Variants in SYT1 observed in about 807,000 individuals in gnomAD.
SYT1 encodes the protein synaptotagmin 1.
Under a neutral mutation model 44.8 loss-of-function variants are expected in SYT1, and 8 were observed. That is an observed-to-expected ratio of 0.18 (90% confidence interval 0.10 to 0.32). The LOEUF (loss-of-function observed/expected upper bound fraction) is 0.32. SYT1 is among the 10% of genes least tolerant of loss of function. The pLI is 1.00. For missense variants in SYT1, 286 were observed against 509.3 expected (o/e 0.56, Z 4.22); for synonymous variants, 154 against 188.8 (o/e 0.82, Z 1.51).
chr12:78,904,905 A>G (rs1875876354), intron 1 of SYT1, among the ~76,000 whole-genome samples: 1 of 152,208 alleles, frequency 6.6e-6, no homozygotes, highest in African/African-American at 2.4e-5. Context: ...AATAGAATCA[A>G]CTTTCACTTA....
intron 9 of SYT1, among the ~76,000 whole-genome samples, chr12:79,437,442 G>A (rs1386554203): frequency 1.3e-5 from 2 of 152,122 alleles, no homozygotes; most frequent in East Asian, 1.9e-4. Context: ...AGGTCTACGA[G>A]GTTGGAATCA....
chr12:78,870,014 A>G (rs776193628), intron 1 of SYT1, among the ~76,000 whole-genome samples: 12 of 152,140 alleles, frequency 7.9e-5, no homozygotes, highest in Non-Finnish European at 1.6e-4. Flanking sequence ...AGATGAAGAT[A>G]TAAAACACGC....
intron 4 of SYT1, among the ~76,000 whole-genome samples, chr12:79,257,966 T>G (rs1274875920): frequency 2.0e-5 from 3 of 152,164 alleles, no homozygotes; most frequent in Admixed American, 2.0e-4. Flanking sequence ...TCACAACATC[T>G]GAATTCTCCC....
intron 3 of SYT1, among the ~76,000 whole-genome samples, chr12:79,134,822 C>A (rs1869077173): frequency 6.6e-6 from 1 of 151,818 alleles, no homozygotes; most frequent in South Asian, 2.1e-4. Flanking sequence ...CCAGGGGCCA[C>A]CTGGAGATGG....
At chr12:79,158,717 G>A (rs1011977557) in intron 3 of SYT1, among the ~76,000 whole-genome samples, 1 of 152,030 alleles carries the variant, frequency 6.6e-6, no homozygotes, top group Non-Finnish European at 1.5e-5. Flanking sequence ...GGGCAACATG[G>A]TGAAAACCCA....
intron 1 of SYT1, among the ~76,000 whole-genome samples, chr12:78,884,999 G>A (rs1221403735): frequency 6.6e-6 from 1 of 151,570 alleles, no homozygotes; most frequent in Non-Finnish European, 1.5e-5. Flanking sequence ...TGCTTATTTT[G>A]GAAATAAGAA....
At chr12:79,105,133 G>A (rs1878643177) in intron 3 of SYT1, among the ~76,000 whole-genome samples, 1 of 152,152 alleles carries the variant, frequency 6.6e-6, no homozygotes, top group African/African-American at 2.4e-5. Flanking sequence ...GTGGCTATTG[G>A]GATCAAATGG....
At chr12:79,364,375 G>A (rs1883452649) in intron 9 of SYT1, among the ~76,000 whole-genome samples, 2 of 152,132 alleles carry the variant, frequency 1.3e-5, no homozygotes, top group African/African-American at 2.4e-5. Context: ...TAAAGACAGA[G>A]AATGATCCCT....
chr12:79,179,095 GATATAGAT>G (rs1872158278), intron 3 of SYT1, among the ~76,000 whole-genome samples: 1 of 119,170 alleles, frequency 8.4e-6, no homozygotes, highest in African/African-American at 3.5e-5. Context: ...TAGATATATA[GATATAGAT>G]ATATAGATAT....
intron 1 of SYT1, among the ~76,000 whole-genome samples, chr12:78,945,090 G>A (rs1380340387): frequency 6.6e-6 from 1 of 152,058 alleles, no homozygotes; most frequent in African/African-American, 2.4e-5. Flanking sequence ...CTTCCTTGTC[G>A]ATTTCTTAGT....
At chr12:79,244,668 C>A (rs1434521301) in intron 4 of SYT1, among the ~76,000 whole-genome samples, 2 of 150,406 alleles carry the variant, frequency 1.3e-5, no homozygotes, top group African/African-American at 4.9e-5. Context: ...CACGCCACTG[C>A]ACTCCAGCCT....
intron 2 of SYT1, among the ~76,000 whole-genome samples, chr12:79,045,174 G>T (rs1420662273): frequency 6.6e-6 from 1 of 152,226 alleles, no homozygotes; most frequent in African/African-American, 2.4e-5. Context: ...CGGCTGCTTT[G>T]TTTACCTAAG....
chr12:79,444,218 C>T lies in SYT1; in HGVS notation c.1062+12C>T. ...TTGAACAAATCCAGGTAATGTCAAA[C>T]ATAACTTTGTCTTCCCACTCAATTT... is the stretch of plus-strand genomic sequence containing the variant. On this transcript the variant is annotated intron_variant, in intron 10 of 10. Transcript: ENST00000261205. 1 of 1,611,868 alleles carries T rather than the reference C, an allele frequency of 6.2e-7. No homozygotes were observed. Among genetic ancestry groups the T allele is most frequent in the Middle Eastern group, 1.7e-4 (1 of 6,050 alleles).
At chr12:79,166,987 A>C (rs887294813) in intron 3 of SYT1, among the ~76,000 whole-genome samples, 11 of 152,096 alleles carry the variant, frequency 7.2e-5, no homozygotes, top group Non-Finnish European at 1.5e-5. Flanking sequence ...CTATAATGAA[A>C]GTGCTTTATA....
chr12:79,033,178 C>T (rs1872928859), intron 2 of SYT1, among the ~76,000 whole-genome samples: 2 of 151,340 alleles, frequency 1.3e-5, no homozygotes, highest in South Asian at 4.1e-4. Context: ...TATTGCTTCA[C>T]TTGATCTGCT....
intron 3 of SYT1, among the ~76,000 whole-genome samples, chr12:79,195,913 A>G (rs1873424594): frequency 6.6e-6 from 1 of 152,218 alleles, no homozygotes; most frequent in Non-Finnish European, 1.5e-5. Context: ...CTTACTGAGA[A>G]CTGTCTCCAG....
At chr12:78,977,964 T>A (rs533507582) in intron 2 of SYT1, 33 bp downstream of exon 2, 1 of 152,246 alleles carries the variant, frequency 6.6e-6, no homozygotes, top group Non-Finnish European at 1.5e-5. Flanking sequence ...TGACACATTT[T>A]GTTGATGATC....
At chr12:78,885,067 G>A (rs189108548) in intron 1 of SYT1, among the ~76,000 whole-genome samples, 2 of 151,898 alleles carry the variant, frequency 1.3e-5, no homozygotes, top group East Asian at 1.9e-4. Flanking sequence ...TTAAATGTTC[G>A]GGGATTTGGA....
intron 2 of SYT1, among the ~76,000 whole-genome samples, chr12:79,036,746 T>A (rs1448147135): frequency 2.6e-5 from 4 of 151,868 alleles, no homozygotes; most frequent in African/African-American, 9.7e-5. Flanking sequence ...AGTGCATTGA[T>A]CCTTTATTCA....
Sources: gnomAD v4.1 joint callset for allele counts (sites outside exome capture counted in the v4.1 genomes callset) on GRCh38, gnomAD v4.1.1 for gene constraint, MANE v1.5 for transcripts, NCBI Gene and HGNC (gene_info 2026-07-23, HGNC 2026-07-21) for gene names.